The following HECW2 variants were observed in gnomAD, a reference collection of about 807,000 sequenced individuals.
The protein encoded by HECW2 is HECT, C2 and WW domain containing E3 ubiquitin protein ligase 2, also known as E3 ubiquitin-protein ligase HECW2.
HECW2 carries 61 observed loss-of-function variants against 175.2 expected under a neutral mutation model. That is an observed-to-expected ratio of 0.35 (90% CI 0.28 to 0.43). The LOEUF (loss-of-function observed/expected upper bound fraction) is 0.43. Among genes scored for constraint, HECW2 ranks in the 20% least tolerant of loss-of-function variants. The probability of loss-of-function intolerance (pLI) is 1.00; values close to 1 mark genes in which losing one functional copy is unlikely to be tolerated. For synonymous variants in HECW2, 671 were observed against 731.0 expected (o/e 0.92, Z 1.32); for missense variants, 1,524 against 2,000.5 (o/e 0.76, Z 4.54).
At chr2:196,571,565 C>T (rs1289437494) in intron 1 of HECW2, among the ~76,000 whole-genome samples, 2 of 151,946 alleles carry the variant, frequency 1.3e-5, no homozygotes, top group African/African-American at 4.8e-5. Context: ...AAAAATTAGC[C>T]GGGTGTGCTG....
chr2:196,302,137 G>A (rs1275970982), intron 13 of HECW2, among the ~76,000 whole-genome samples: 3 of 152,150 alleles, frequency 2.0e-5, no homozygotes, highest in Non-Finnish European at 2.9e-5. Flanking sequence ...TTATTAAATA[G>A]GGAATCAATC....
chr2:196,409,036 G>A (rs566780657), intron 2 of HECW2, among the ~76,000 whole-genome samples: 1 of 152,304 alleles, frequency 6.6e-6, no homozygotes, highest in South Asian at 2.1e-4. Flanking sequence ...GTTGTTAGAT[G>A]TTGGTAGCTT....
chr2:196,268,033 G>GA (rs1689582365), intron 17 of HECW2, among the ~76,000 whole-genome samples: 1 of 152,174 alleles, frequency 6.6e-6, no homozygotes, highest in Non-Finnish European at 1.5e-5. Context: ...AAATATCATT[G>GA]AAATAGGAAA....
chr2:196,239,499 T>C (rs1688370985), intron 21 of HECW2: 3 of 152,346 alleles, frequency 2.0e-5, no homozygotes, highest in African/African-American at 7.2e-5. Flanking sequence ...TCATCCACTG[T>C]GTACTGAATG....
intron 17 of HECW2, among the ~76,000 whole-genome samples, chr2:196,270,391 T>C (rs1008048873): frequency 2.0e-5 from 3 of 152,072 alleles, no homozygotes; most frequent in Non-Finnish European, 2.9e-5. Context: ...GCTTGAGAAA[T>C]GATGTTTTGA....
chr2:196,329,460 A>G, intron 5 of HECW2, 115 bp downstream of exon 5: 1 of 720,950 alleles, frequency 1.4e-6, no homozygotes, highest in South Asian at 1.9e-5. Flanking sequence ...TGACCCCCCA[A>G]AACTAGTTCA....
intron 2 of HECW2, among the ~76,000 whole-genome samples, chr2:196,391,291 T>G (rs1405520558): frequency 1.3e-5 from 2 of 152,170 alleles, no homozygotes; most frequent in Non-Finnish European, 2.9e-5. Flanking sequence ...CCTGCCCCAC[T>G]GTTACTGGCT....
intron 2 of HECW2, among the ~76,000 whole-genome samples, chr2:196,420,735 T>G (rs1302869635): frequency 6.6e-6 from 1 of 152,176 alleles, no homozygotes; most frequent in Non-Finnish European, 1.5e-5. Context: ...CTGATTCAGA[T>G]AAGTCAGTTC....
intron 1 of HECW2, among the ~76,000 whole-genome samples, chr2:196,470,166 CAAT>C (rs1697137681): frequency 6.6e-6 from 1 of 151,936 alleles, no homozygotes; most frequent in Non-Finnish European, 1.5e-5. Flanking sequence ...TAAACAACAA[CAAT>C]AATGACAACA....
At chr2:196,452,379 CAT>C (rs1696373706) in intron 1 of HECW2, among the ~76,000 whole-genome samples, 1 of 152,094 alleles carries the variant, frequency 6.6e-6, no homozygotes, top group African/African-American at 2.4e-5. Context: ...TAAAAATTAA[CAT>C]GTGTGGCTCA....
intron 1 of HECW2, among the ~76,000 whole-genome samples, chr2:196,591,475 C>T (rs978332318): frequency 1.1e-4 from 16 of 152,180 alleles, no homozygotes; most frequent in Admixed American, 1.0e-3. Context: ...CTTCACACAA[C>T]CACATCGAAG....
rs1266202465 is a variant in HECW2, at chr2:196,593,016, C to T, written c.-36+492G>A. On this transcript the variant is annotated intron_variant, in intron 1 of 28. Transcript: ENST00000644978. The stretch of plus-strand genomic sequence containing the variant: ...CCGACCCCGAGACCGCGAGAAGCGC[C>T]CGGAGAGACGCGGCGCAGGGGCAGA... Among the ~76,000 whole-genome samples the T allele has an allele frequency of 5.9e-5, 9 of 151,842 alleles. 1 individual carries two copies. The highest frequency in any genetic ancestry group is 1.9e-4 in the African/African-American group (8 of 41,522).
intron 1 of HECW2, among the ~76,000 whole-genome samples, chr2:196,454,471 G>C (rs1416003600): frequency 1.3e-5 from 2 of 152,112 alleles, no homozygotes; most frequent in Non-Finnish European, 2.9e-5. Flanking sequence ...TTAGATTACT[G>C]TTGTAAACTA....
At chr2:196,536,072 A>G (rs1186216798) in intron 1 of HECW2, among the ~76,000 whole-genome samples, 2 of 152,218 alleles carry the variant, frequency 1.3e-5, no homozygotes, top group Non-Finnish European at 2.9e-5. Context: ...TGGAAAGGTA[A>G]TGTGTGCCCT....
Position 196,433,245 on chromosome 2 carries a change from C to A in HECW2, c.179G>T (p.Ser60Ile). 6.2e-7 allele frequency: 1 copy of A among 1,614,148 alleles called. No individual in the cohort carries two copies. The highest frequency in any genetic ancestry group is 8.5e-7 in the Non-Finnish European group (1 of 1,180,018). The change falls in exon 2 of 29, where the codon AGC becomes ATC. Residue 60 changes from serine (S) to isoleucine (I), a missense_variant. Ser to Ile is a moderately radical substitution (Grantham distance 142). Coordinates refer to ENST00000644978, the MANE Select transcript of HECW2 (RefSeq NM_001348768.2). ...GTACTCGTACATGCTGGCAGTTAAG[C>A]TGGAGCGGCTCTCAGAAGTCACCAG... ...TDLVTSESRS[S>I]LTASMYEYTL...
At chr2:196,585,839 T>G (rs1221431981) in intron 1 of HECW2, among the ~76,000 whole-genome samples, 1 of 152,088 alleles carries the variant, frequency 6.6e-6, no homozygotes, top group Non-Finnish European at 1.5e-5. Context: ...AACCTTAGAG[T>G]ATGAAGTCCA....
At chr2:196,470,881 C>A (rs1697168568) in intron 1 of HECW2, among the ~76,000 whole-genome samples, 1 of 149,758 alleles carries the variant, frequency 6.7e-6, no homozygotes, top group Admixed American at 6.7e-5. Context: ...GTATAAAACT[C>A]AGAAAGAAAA....
rs893460845 is a variant in HECW2 at position 196,251,139 on chromosome 2, A to C, written c.3529+2781T>G. Among the ~76,000 whole-genome samples the C allele has an allele frequency of 3.3e-5, 5 of 152,178 alleles. No homozygotes were observed. In the East Asian group the frequency reaches 9.7e-4, roughly 29 times the overall value. On this transcript the variant is annotated intron_variant, in intron 19 of 28. Coordinates refer to ENST00000644978, the MANE Select transcript of HECW2 (RefSeq NM_001348768.2). Reference sequence around the variant, plus strand: ...CCTGCAGGCTTGACCTTCTGAGCCCAAGTAACCCTCCCACCTCAGCCCCCG... The same window carrying C: ...CCTGCAGGCTTGACCTTCTGAGCCCCAGTAACCCTCCCACCTCAGCCCCCG...
In HECW2 at chr2:196,200,929, CA is replaced by C. The variant is rs1686833612; in HGVS notation, c.*347del. On this transcript the variant is annotated 3_prime_UTR_variant, in exon 29 of 29. Coordinates refer to ENST00000644978, the MANE Select transcript of HECW2 (RefSeq NM_001348768.2). ...CTGCCAGTTTGGCTTGAACCACGTTCAAGGGTAAGTTTCAAGATTCTCCTGA... is the reference window on the plus strand; with the variant it reads ...CTGCCAGTTTGGCTTGAACCACGTTCAGGGTAAGTTTCAAGATTCTCCTGA... The C allele has an allele frequency of 5.8e-6, 1 of 172,158 alleles. No homozygotes were observed. The allele number at this position is 172,158 out of a possible 1,614,324, so 10.7% of individuals were successfully genotyped here.
Sources: allele counts gnomAD v4.1 joint callset (sites outside exome capture counted in the v4.1 genomes callset), GRCh38; gene constraint gnomAD v4.1.1; transcripts MANE v1.5; gene names NCBI Gene and HGNC (gene_info 2026-07-23, HGNC 2026-07-21).